The following SYNE2 variants were observed in gnomAD, a reference collection of about 807,000 sequenced individuals.
SYNE2 encodes spectrin repeat containing nuclear envelope protein 2.
A neutral mutation model predicts 856.3 loss-of-function variants in SYNE2; 431 were observed. That is an observed-to-expected ratio of 0.50 (90% CI 0.47 to 0.55). The LOEUF is 0.55. Among genes scored for constraint, SYNE2 ranks in the 20% least tolerant of loss-of-function variants. The pLI, the probability that SYNE2 is intolerant of heterozygous loss-of-function variation, is 0.00. For synonymous variants in SYNE2, 2,923 were observed against 2,872.3 expected (o/e 1.02, Z -0.56); for missense variants, 8,129 against 8,023.2 (o/e 1.01, Z -0.50).
At chr14:64,090,451 A>C (rs1470343774) in intron 59 of SYNE2, among the ~76,000 whole-genome samples, 1 of 152,226 alleles carries the variant, frequency 6.6e-6, no homozygotes, top group African/African-American at 2.4e-5. Context: ...CATGCAGCAC[A>C]GTTCTGTTCA....
intron 1 of SYNE2, among the ~76,000 whole-genome samples, chr14:63,869,825 G>A (rs1338131938): frequency 6.6e-6 from 1 of 151,924 alleles, no homozygotes; most frequent in Non-Finnish European, 1.5e-5. Context: ...CCCCATTGCT[G>A]GAATATCCAA....
chr14:63,851,985 G>A (rs1397461171), upstream of SYNE2, among the ~76,000 whole-genome samples: 1 of 59,936 alleles, frequency 1.7e-5, no homozygotes, highest in African/African-American at 8.4e-5. Context: ...CGGGGGGGGG[G>A]GGGGGGGGAA....
At chr14:64,015,054 T>A (rs28805993) in intron 32 of SYNE2, among the ~76,000 whole-genome samples, 191 of 145,614 alleles carry the variant, frequency 1.3e-3, no homozygotes, top group Middle Eastern at 3.6e-3. Context: ...TGTATATATA[T>A]AAATATATAT....
chr14:63,798,463 G>A (rs1411571494), intron 1 of SYNE2, among the ~76,000 whole-genome samples: 5 of 147,390 alleles, frequency 3.4e-5, no homozygotes, highest in East Asian at 2.0e-4. Flanking sequence ...GTATGGTCTC[G>A]GCTCACTACA....
At chr14:64,058,377 G>C (rs2097289867) in intron 49 of SYNE2, among the ~76,000 whole-genome samples, 1 of 152,082 alleles carries the variant, frequency 6.6e-6, no homozygotes. Context: ...CCGTTTATTG[G>C]TATCTTTCTA....
chr14:64,219,450 T>C, intron 110 of SYNE2, 40 bp downstream of exon 110: 1 of 1,599,690 alleles, frequency 6.3e-7, no homozygotes, highest in Non-Finnish European at 8.6e-7. Context: ...ATTCAGAATG[T>C]GCATGTGAAC....
intron 1 of SYNE2, among the ~76,000 whole-genome samples, chr14:63,868,188 G>T (rs1327348719): frequency 1.3e-5 from 2 of 152,260 alleles, no homozygotes; most frequent in African/African-American, 4.8e-5. Flanking sequence ...TAGGTATGTT[G>T]GTGATTTGAA....
intron 1 of SYNE2, among the ~76,000 whole-genome samples, chr14:63,856,075 G>C (rs1891648586): frequency 6.6e-6 from 1 of 152,162 alleles, no homozygotes; most frequent in African/African-American, 2.4e-5. Context: ...ATGCTCAAAG[G>C]CCTCCAGGCA....
chr14:63,916,472 C>T (rs181381492), intron 2 of SYNE2, among the ~76,000 whole-genome samples: 2 of 152,168 alleles, frequency 1.3e-5, no homozygotes, highest in Admixed American at 1.3e-4. Context: ...ATATGATATT[C>T]CTGAGTTGTT....
chr14:64,038,602 G>A (rs1170763145), intron 45 of SYNE2, among the ~76,000 whole-genome samples: 3 of 152,256 alleles, frequency 2.0e-5, no homozygotes, highest in Non-Finnish European at 4.4e-5. Flanking sequence ...CACCTCGGGA[G>A]GCCGAGGCTG....
intron 1 of SYNE2, among the ~76,000 whole-genome samples, chr14:63,779,425 C>A (rs899679023): frequency 1.4e-5 from 2 of 141,392 alleles, no homozygotes; most frequent in African/African-American, 2.6e-5. Flanking sequence ...CTCACTACTG[C>A]GCTTGACTGG....
intron 115 of SYNE2, 107 bp downstream of exon 115, chr14:64,225,152 T>TTTGTCTGGAAAGGGCTGGTTTTCTC (rs2098713347): frequency 6.4e-7 from 1 of 1,553,406 alleles, no homozygotes; most frequent in South Asian, 1.1e-5. Flanking sequence ...CTGGTTTTCT[T>TTTGTCTGGAAAGGGCTGGTTTTCTC]TTGTCTGGAA....
intron 1 of SYNE2, among the ~76,000 whole-genome samples, chr14:63,818,688 A>G (rs183483548): frequency 6.9e-6 from 1 of 144,996 alleles, no homozygotes; most frequent in African/African-American, 2.5e-5. Flanking sequence ...ATTCTCATAC[A>G]TTTTTTTCTT....
intron 100 of SYNE2, 73 bp downstream of exon 100, chr14:64,203,036 A>C (rs1168256661): frequency 6.3e-7 from 1 of 1,576,576 alleles, no homozygotes; most frequent in Non-Finnish European, 8.6e-7. Context: ...CCTTCCCCGT[A>C]TATCTATGTG....
At chr14:64,180,242 AAC>A (rs1396024554) in intron 96 of SYNE2, among the ~76,000 whole-genome samples, 12 of 152,294 alleles carry the variant, frequency 7.9e-5, no homozygotes, top group Non-Finnish European at 1.5e-4. Flanking sequence ...ACTTTATTGT[AAC>A]ACATCTTTAT....
At chr14:63,871,691 G>A (rs1017198640) in intron 1 of SYNE2, among the ~76,000 whole-genome samples, 53 of 144,528 alleles carry the variant, frequency 3.7e-4, no homozygotes, top group Non-Finnish European at 2.7e-4. Flanking sequence ...ATGGGGTTTC[G>A]CCATGTTGCC....
At chr14:64,127,184 C>T (rs2097955059) in intron 73 of SYNE2, among the ~76,000 whole-genome samples, 1 of 152,090 alleles carries the variant, frequency 6.6e-6, no homozygotes, top group African/African-American at 2.4e-5. Context: ...TTGCTTGAAC[C>T]TGGGAGGCAG....
At position 64,021,444 on chromosome 14, in the gene SYNE2, A is replaced by G. The variant is rs1212171752; in HGVS notation, c.5281A>G (p.Ile1761Val). The G allele has an allele frequency of 2.5e-6, 4 of 1,614,028 alleles. No individual in the cohort carries two copies. The highest frequency in any genetic ancestry group is 3.4e-6 in the Non-Finnish European group (4 of 1,180,028). ...GGATCTCGACCAAGCCAAGACCCAG[A>G]TCGGGATGACTGAATCCCTCTTAAA... ...REDLDQAKTQ[I>V]GMTESLLKAL... Residue 1761 changes from isoleucine (I) to valine (V), a missense_variant, in exon 36 of 116, where the codon ATC becomes GTC. Physicochemically the swap from Ile to Val is conservative, Grantham distance 29. Coordinates refer to ENST00000555002, the MANE Select transcript of SYNE2 (RefSeq NM_182914.3).
At chr14:64,014,309 T>A (rs1028975982) in intron 32 of SYNE2, among the ~76,000 whole-genome samples, 1 of 152,220 alleles carries the variant, frequency 6.6e-6, no homozygotes, top group Non-Finnish European at 1.5e-5. Flanking sequence ...TGGACTATTA[T>A]GAATAAAGCT....
Sources: allele counts gnomAD v4.1 joint callset (sites outside exome capture counted in the v4.1 genomes callset), GRCh38; gene constraint gnomAD v4.1.1; transcripts MANE v1.5; gene names NCBI Gene and HGNC (gene_info 2026-07-23, HGNC 2026-07-21).